MOV10L1: variants seen among roughly 807,000 people sequenced by gnomAD.
MOV10L1 encodes RNA helicase Mov10l1.
A neutral mutation model predicts 143.8 loss-of-function variants in MOV10L1; 110 were observed. The ratio of observed to expected loss-of-function variants is 0.76; its 90% CI spans 0.66 to 0.90. The LOEUF (loss-of-function observed/expected upper bound fraction) is 0.90. MOV10L1 is among the 40% of genes least tolerant of loss of function. The pLI is 0.00. For synonymous variants in MOV10L1, 593 were observed against 581.1 expected (o/e 1.02, Z -0.29); for missense variants, 1,406 against 1,526.8 (o/e 0.92, Z 1.32).
At chr22:50,099,675 C>T (rs1031299696) in intron 3 of MOV10L1, 73 bp downstream of exon 3, 11 of 1,511,554 alleles carry the variant, frequency 7.3e-6, no homozygotes, top group Middle Eastern at 2.1e-4. Flanking sequence ...GGACCAGGCA[C>T]GGTGGCTCAT....
chr22:50,157,765 A>G (rs1003149045), intron 22 of MOV10L1, among the ~76,000 whole-genome samples: 1 of 148,150 alleles, frequency 6.7e-6, no homozygotes, highest in African/African-American at 2.4e-5. Flanking sequence ...TAATATCAAA[A>G]AAAAAAAAAA....
chr22:50,090,387 T>A, intron 1 of MOV10L1: 1 of 1,552,994 alleles, frequency 6.4e-7, no homozygotes, highest in Non-Finnish European at 8.7e-7. Flanking sequence ...TGGGCGCCCG[T>A]CCTCTGTGAG....
chr22:50,110,218 G>A (rs1375516305), intron 5 of MOV10L1, among the ~76,000 whole-genome samples: 1 of 152,120 alleles, frequency 6.6e-6, no homozygotes, highest in Non-Finnish European at 1.5e-5. Flanking sequence ...GGGAGGCCGA[G>A]GTGGGTGGAT....
intron 10 of MOV10L1, among the ~76,000 whole-genome samples, 155 bp downstream of exon 10, chr22:50,120,771 G>A (rs1265582722): frequency 6.6e-6 from 1 of 152,212 alleles, no homozygotes; most frequent in Non-Finnish European, 1.5e-5. Context: ...TGGCCGTGAG[G>A]GATGAGGCAC....
chr22:50,155,283 CAG>C (rs912439778), intron 22 of MOV10L1, among the ~76,000 whole-genome samples: 8 of 134,576 alleles, frequency 5.9e-5, no homozygotes, highest in African/African-American at 1.1e-4. Context: ...TTTTTTGAGA[CAG>C]AGTTTTGCTC....
Position 50,145,744 on chromosome 22 carries a change from C to T in MOV10L1, c.2561C>T (p.Ala854Val). 6.2e-7 allele frequency: 1 copy of T among 1,614,138 alleles called. No homozygotes were observed. The highest frequency in any genetic ancestry group is 8.5e-7 in the Non-Finnish European group (1 of 1,180,014). Residue 854 changes from alanine (A) to valine (V), a missense_variant, in exon 19 of 27, where the codon GCC becomes GTC. Ala to Val is a moderately conservative substitution (Grantham distance 64). Around this residue, in one of 3 missense-constraint regions of MOV10L1, gnomAD observed 1,233 missense variants for 1,351.4 expected, o/e 0.91. Transcript: ENST00000262794. ...YCRDGEDIWK[A>V]SRFRIIITTC... The stretch of plus-strand genomic sequence containing the variant: ...AGAGACGGAGAAGACATCTGGAAAG[C>T]CTCACGCTTCCGGATAATCATCACC...
chr22:50,126,803 C>T (rs1279261584), intron 12 of MOV10L1, among the ~76,000 whole-genome samples: 1 of 152,170 alleles, frequency 6.6e-6, no homozygotes, highest in East Asian at 1.9e-4. Flanking sequence ...CCACACATTA[C>T]TTAATGTAGA....
At chr22:50,122,340 G>A (rs9617083) in intron 10 of MOV10L1, among the ~76,000 whole-genome samples, 4 of 151,946 alleles carry the variant, frequency 2.6e-5, no homozygotes, top group Admixed American at 1.3e-4. Context: ...TCTCATAGCT[G>A]CCTTTTCAGA....
chr22:50,113,688 A>G lies in MOV10L1; in HGVS notation c.784A>G (p.Thr262Ala). ...TCATGAGGCCACTCATTTCTATGGAACGATTTTGCTGAAGAACAAAGGTGA... is the reference window on the plus strand; with the variant it reads ...TCATGAGGCCACTCATTTCTATGGAGCGATTTTGCTGAAGAACAAAGGTGA... The part of the protein sequence containing the change: ...PVHEATHFYG[T>A]ILLKNKGDIE... Residue 262 changes from threonine (T) to alanine (A), a missense_variant, in exon 6 of 27, where the codon ACG becomes GCG. This residue lies in a region of MOV10L1 where 1,233 missense variants were observed against 1,351.4 expected (regional missense o/e 0.91). Transcript: ENST00000262794. 6.2e-7 allele frequency: 1 copy of G among 1,613,954 alleles called. No homozygotes were observed. Among genetic ancestry groups the G allele is most frequent in the Non-Finnish European group, 8.5e-7 (1 of 1,179,934 alleles).
chr22:50,142,898 T>G, intron 16 of MOV10L1, 145 bp from the exon 17 acceptor site: 1 of 692,622 alleles, frequency 1.4e-6, no homozygotes, highest in South Asian at 1.8e-5. Context: ...ATCTTACCCC[T>G]GGTCACACTG....
At chr22:50,125,351 C>T in intron 10 of MOV10L1, 41 bp from the exon 11 acceptor site, 1 of 1,590,382 alleles carries the variant, frequency 6.3e-7, no homozygotes, top group Non-Finnish European at 8.6e-7. Flanking sequence ...CAGAGTGCTG[C>T]TGAGCTGTTG....
Position 50,092,106 on chromosome 22 carries a change from G to C in MOV10L1, c.203G>C (p.Arg68Thr), listed in dbSNP as rs1816666649. 1 of 1,614,106 alleles carries C rather than the reference G, an allele frequency of 6.2e-7. No homozygotes were observed. Among genetic ancestry groups the C allele is most frequent in the East Asian group, 2.2e-5 (1 of 44,902 alleles). ...IYFSSDAVTS[R>T]VLLNVGQEVI... ...TTCTCCAGTGATGCTGTGACTAGCAGAGTGCTTCTGAATGTTGGACAGGAA... is the reference window on the plus strand; with the variant it reads ...TTCTCCAGTGATGCTGTGACTAGCACAGTGCTTCTGAATGTTGGACAGGAA... The change falls in exon 2 of 27, where the codon AGA (arginine) becomes ACA (threonine). Residue 68 changes from arginine to threonine, a missense_variant. By Grantham distance (71) the Arg-to-Thr change is moderately conservative. Coordinates refer to ENST00000262794, the MANE Select transcript of MOV10L1 (RefSeq NM_018995.3).
intron 22 of MOV10L1, among the ~76,000 whole-genome samples, chr22:50,154,674 T>C (rs746661805): frequency 2.1e-4 from 32 of 152,024 alleles, no homozygotes; most frequent in Non-Finnish European, 4.6e-4. Context: ...CGGAGAAGAG[T>C]CATGAAGCCC....
intron 2 of MOV10L1, among the ~76,000 whole-genome samples, chr22:50,096,658 T>C (rs1037685930): frequency 6.6e-6 from 1 of 152,218 alleles, no homozygotes; most frequent in Non-Finnish European, 1.5e-5. Context: ...TTCTTTTTTT[T>C]TCTTTTGACA....
rs1359232657 is a variant in MOV10L1 at position 50,149,602 on chromosome 22, A to G, written c.2628-13A>G. ...TTCGGCAGAAATTACCATTTAGAACATCTTTGCTCTAGAGTTGGGCACTTC... is the reference window on the plus strand; with the variant it reads ...TTCGGCAGAAATTACCATTTAGAACGTCTTTGCTCTAGAGTTGGGCACTTC... On this transcript the variant is annotated splice_polypyrimidine_tract_variant and intron_variant, in intron 19 of 26. Coordinates refer to ENST00000262794, the MANE Select transcript of MOV10L1 (RefSeq NM_018995.3). The G allele has an allele frequency of 1.2e-6, 2 of 1,613,652 alleles. No individual in the cohort carries two copies. Among genetic ancestry groups the G allele is most frequent in the Non-Finnish European group, 1.7e-6 (2 of 1,179,650 alleles).
At chr22:50,150,579 C>T (rs111374403) in intron 20 of MOV10L1, among the ~76,000 whole-genome samples, 156 bp from the exon 21 acceptor site, 11 of 152,298 alleles carry the variant, frequency 7.2e-5, no homozygotes, top group African/African-American at 2.6e-4. Flanking sequence ...GCTCCAAGCC[C>T]TGTCGGCATT....
intron 3 of MOV10L1, among the ~76,000 whole-genome samples, chr22:50,103,694 A>G (rs2061801653): frequency 6.6e-6 from 1 of 152,146 alleles, no homozygotes; most frequent in Non-Finnish European, 1.5e-5. Flanking sequence ...GGTGAGATCA[A>G]GGTTTCACAG....
At position 50,158,198 on chromosome 22, in the gene MOV10L1, C is replaced by T. The variant is rs763910829; in HGVS notation, c.3208C>T (p.Arg1070Trp). The T allele has an allele frequency of 5.6e-6, 9 of 1,614,000 alleles. No individual in the cohort carries two copies. Among genetic ancestry groups the T allele is most frequent in the Admixed American group, 1.7e-5 (1 of 60,014 alleles). Reference protein sequence around the residue: ...ASDIGVITPYRKQVEKIRILL... With the variant: ...ASDIGVITPYWKQVEKIRILL... Reference sequence around the variant, plus strand: ...CGACATTGGCGTCATCACGCCCTACCGGAAGCAGGTACGCCCTGCCCAGGC... The same window carrying T: ...CGACATTGGCGTCATCACGCCCTACTGGAAGCAGGTACGCCCTGCCCAGGC... The change falls in exon 23 of 27, where the codon CGG becomes TGG. Residue 1070 changes from arginine (R) to tryptophan (W), a missense_variant. Arg to Trp is a moderately radical substitution (Grantham distance 101). Coordinates refer to ENST00000262794, the MANE Select transcript of MOV10L1 (RefSeq NM_018995.3). The surrounding 1 kb of genome is among the most constrained non-coding windows in gnomAD (Gnocchi z 5.0).
At chr22:50,144,670 C>T (rs1334430536) in intron 18 of MOV10L1, among the ~76,000 whole-genome samples, 1 of 152,004 alleles carries the variant, frequency 6.6e-6, no homozygotes, top group Non-Finnish European at 1.5e-5. Flanking sequence ...CAAGCTCCGC[C>T]TCCCAGGTTC....
Sources: allele counts gnomAD v4.1 joint callset (sites outside exome capture counted in the v4.1 genomes callset), GRCh38; gene constraint gnomAD v4.1.1; regional missense constraint gnomAD v4.1.1; non-coding constraint Gnocchi (gnomAD v3.1); transcripts MANE v1.5; gene names NCBI Gene and HGNC (gene_info 2026-07-23, HGNC 2026-07-21).